KDR: variants seen among roughly 807,000 people sequenced by gnomAD.
KDR encodes vascular endothelial growth factor receptor 2.
In KDR, 43 loss-of-function variants were observed where a neutral mutation model predicts 160.9. That is an observed-to-expected ratio of 0.27 (90% CI 0.21 to 0.34). The LOEUF (loss-of-function observed/expected upper bound fraction) is 0.34, where lower values mean the gene tolerates loss of function less well. KDR is among the 10% of genes least tolerant of loss of function. KDR has a pLI of 1.00. For missense variants in KDR, 1,469 were observed against 1,666.4 expected, an observed-to-expected ratio of 0.88 and a Z score of 2.06; for synonymous variants, 617 against 600.1, an observed-to-expected ratio of 1.03 and a Z score of -0.41.
chr4:55,110,013 A>G, intron 9 of KDR, among the ~76,000 whole-genome samples: 1 of 152,180 alleles, frequency 6.6e-6, no homozygotes, highest in East Asian at 1.9e-4. Context: ...TCAAACTAGA[A>G]GCTTTGCACA....
intron 27 of KDR, among the ~76,000 whole-genome samples, chr4:55,087,135 C>G (rs1287449447): frequency 1.3e-5 from 2 of 152,198 alleles, no homozygotes; most frequent in Non-Finnish European, 2.9e-5. Context: ...TTCTGAGATG[C>G]AGTGTCCAGT....
At chr4:55,097,899 G>A (rs1470916165) in intron 17 of KDR, 133 bp from the exon 18 acceptor site, 4 of 832,152 alleles carry the variant, frequency 4.8e-6, no homozygotes, top group Non-Finnish European at 6.0e-6. Context: ...TTACTCCTTT[G>A]TCCTGGCTTA....
chr4:55,105,073 C>T lies in KDR; in HGVS notation c.1646-89G>A, dbSNP rs767955797. On this transcript the variant is annotated intron_variant, in intron 12 of 29. Transcript: ENST00000263923. ...GCTGCTTTCAGACTACTACAAAGTA[C>T]CAAAAGAAATGAAGCTCTATCCGTT... is the stretch of plus-strand genomic sequence containing the variant. The T allele has an allele frequency of 3.7e-6, 4 of 1,090,570 alleles. No individual in the cohort carries two copies. In the African/African-American group the frequency reaches 6.2e-5, roughly 17 times the overall value. The allele number at this position is 1,090,570 out of a possible 1,614,324, so 67.6% of individuals were successfully genotyped here. A position where few individuals can be genotyped will look rare whatever the true frequency, so the allele number is the denominator to read the frequency against.
At chr4:55,080,941 T>C (rs1204557949) in intron 29 of KDR, among the ~76,000 whole-genome samples, 1 of 152,224 alleles carries the variant, frequency 6.6e-6, no homozygotes, top group Non-Finnish European at 1.5e-5. Context: ...TTTTAGTAAC[T>C]CGTGTTTATA....
rs77872139 is a variant in KDR at position 55,117,304 on chromosome 4, G to A, written c.358+1300C>T. Among the ~76,000 whole-genome samples the A allele has an allele frequency of 2.7e-3, 408 of 152,248 alleles. 1 individual carries two copies. The highest frequency in any genetic ancestry group is 0.024 in the East Asian group (122 of 5,176). ...GAAGAAGTAAATAATGAGATATGGG[G>A]GATGTTCATCTTGTAGTATTTCTAG... On this transcript the variant is annotated intron_variant, in intron 3 of 29. Coordinates refer to ENST00000263923, the MANE Select transcript of KDR (RefSeq NM_002253.4).
intron 12 of KDR, 50 bp downstream of exon 12, chr4:55,105,782 T>C (rs756710144): frequency 3.7e-6 from 4 of 1,079,138 alleles, no homozygotes; most frequent in Non-Finnish European, 4.3e-6. Context: ...CATAGCTTAG[T>C]ACCCACTGTG....
intron 28 of KDR, 53 bp from the exon 29 acceptor site, chr4:55,082,094 A>T (rs1166440987): frequency 1.7e-6 from 2 of 1,208,056 alleles, no homozygotes; most frequent in Non-Finnish European, 2.5e-6. Context: ...AAAATGACCA[A>T]CTATTTAATT....
intron 15 of KDR, among the ~76,000 whole-genome samples, chr4:55,099,246 T>C (rs1433564134): frequency 2.0e-5 from 3 of 152,160 alleles, no homozygotes; most frequent in African/African-American, 4.8e-5. Flanking sequence ...CTCGAACTCC[T>C]GGCCTCTAGC....
At chr4:55,103,080 G>A (rs1431695039) in intron 13 of KDR, among the ~76,000 whole-genome samples, 2 of 152,154 alleles carry the variant, frequency 1.3e-5, no homozygotes, top group African/African-American at 4.8e-5. Flanking sequence ...TAAGTAAACA[G>A]TTGAACTGTT....
In KDR at chr4:55,106,747, C is replaced by G. The variant is rs1427278468; in HGVS notation, c.1476G>C (p.Gln492His). 1 of 1,592,036 alleles carries G rather than the reference C, an allele frequency of 6.3e-7. No individual in the cohort carries two copies. The highest frequency in any genetic ancestry group is 2.2e-5 in the East Asian group (1 of 44,686). The change falls in exon 11 of 30, where the codon CAG becomes CAC. Residue 492 changes from glutamine (Q) to histidine (H), a missense_variant. Transcript: ENST00000263923. ...TATTAACTTCAATTTTATTTCCTCC[C>G]TGGAAGTCCTCCACACTTCTCCATT... ...CEEWRSVEDF[Q>H]GGNKIEVNKN... is the part of the protein sequence containing the mutation.
intron 22 of KDR, among the ~76,000 whole-genome samples, chr4:55,091,808 A>G (rs1392982391): frequency 6.6e-6 from 1 of 152,204 alleles, no homozygotes; most frequent in Non-Finnish European, 1.5e-5. Flanking sequence ...CTAATATAAA[A>G]TTACACCTTT....
intron 15 of KDR, among the ~76,000 whole-genome samples, chr4:55,100,144 C>T (rs1328736374): frequency 2.6e-5 from 4 of 152,168 alleles, no homozygotes; most frequent in African/African-American, 4.8e-5. Flanking sequence ...ACAAGCTGTG[C>T]GGATGGCCCA....
chr4:55,095,752 CT>C, intron 19 of KDR, 87 bp from the exon 20 acceptor site: 1 of 913,462 alleles, frequency 1.1e-6, no homozygotes, highest in Non-Finnish European at 1.8e-6. Context: ...CCAAAAACAC[CT>C]TAGAAGAAGG....
chr4:55,099,588 C>T (rs959758928), intron 15 of KDR, among the ~76,000 whole-genome samples: 3 of 152,144 alleles, frequency 2.0e-5, no homozygotes, highest in African/African-American at 7.2e-5. Flanking sequence ...AAAAGGATCA[C>T]ATAAGAAACC....
At chr4:55,114,732 TAGAGA>T (rs1720689402) in intron 5 of KDR, 137 bp downstream of exon 5, 2 of 735,706 alleles carry the variant, frequency 2.7e-6, no homozygotes, top group African/African-American at 3.5e-5. Flanking sequence ...GTTTATTTGG[TAGAGA>T]AGAGCAGATG....
intron 27 of KDR, among the ~76,000 whole-genome samples, chr4:55,085,656 A>G (rs76360687): frequency 0.017 from 2,574 of 152,298 alleles, 45 homozygotes; most frequent in Non-Finnish European, 0.025. Context: ...AAGGTGGAGG[A>G]GGTGGAGAGG....
At chr4:55,121,280 TA>T (rs1720867409) in intron 1 of KDR, 90 bp from the exon 2 acceptor site, 1 of 870,418 alleles carries the variant, frequency 1.1e-6, no homozygotes, top group Non-Finnish European at 1.9e-6. Context: ...CTCTATACTT[TA>T]AAAGGCCTCT....
At chr4:55,085,053 T>G (rs1024724417) in intron 27 of KDR, among the ~76,000 whole-genome samples, 1 of 152,178 alleles carries the variant, frequency 6.6e-6, no homozygotes, top group Non-Finnish European at 1.5e-5. Flanking sequence ...AAAACCTTTC[T>G]CTAAGAGAGA....
Position 55,105,936 on chromosome 4 carries a change from A to T in KDR, c.1541T>A (p.Val514Glu). The part of the protein sequence containing the change: ...FALIEGKNKT[V>E]STLVIQAANV... Reference sequence around the variant, plus strand: ...TGCCGCTTGGATAACAAGGGTACTTACAGTCTGTGCGGGGAAAAAACAAAT... The same window carrying T: ...TGCCGCTTGGATAACAAGGGTACTTTCAGTCTGTGCGGGGAAAAAACAAAT... Residue 514 changes from valine to glutamate, a missense_variant, in exon 12 of 30, where the codon GTA becomes GAA. Val to Glu is a moderately radical substitution (Grantham distance 121, BLOSUM62 -2). Around this residue, in one of 7 missense-constraint regions of KDR, gnomAD observed 792 missense variants for 840.9 expected, o/e 0.94. Transcript: ENST00000263923. 6.2e-7 allele frequency: 1 copy of T among 1,608,654 alleles called. No homozygotes were observed.
Sources: allele counts gnomAD v4.1 joint callset (sites outside exome capture counted in the v4.1 genomes callset), GRCh38; gene constraint gnomAD v4.1.1; regional missense constraint gnomAD v4.1.1; transcripts MANE v1.5; gene names NCBI Gene and HGNC (gene_info 2026-07-23, HGNC 2026-07-21).